Variants in SCOC observed in about 807,000 individuals in gnomAD.
SCOC encodes the protein short coiled-coil protein, also known as short coiled coil protein.
In SCOC, 7 loss-of-function variants were observed where a neutral mutation model predicts 9.9. The observed-to-expected ratio is 0.71, with a 90% CI of 0.40 to 1.33. The LOEUF is 1.33. Among genes scored for constraint, SCOC ranks in the 40% most tolerant of loss-of-function variants. SCOC has a pLI of 0.01. For missense variants in SCOC, 66 were observed against 89.7 expected, an observed-to-expected ratio of 0.74 and a Z score of 1.07; for synonymous variants, 19 against 28.2, an observed-to-expected ratio of 0.67 and a Z score of 1.03.
At chr4:140,336,165 C>T (rs1239057536) in intron 1 of SCOC, among the ~76,000 whole-genome samples, 1 of 152,096 alleles carries the variant, frequency 6.6e-6, no homozygotes, top group East Asian at 1.9e-4. Context: ...GAGACAGGGA[C>T]ACCATGGATA....
intron 2 of SCOC, among the ~76,000 whole-genome samples, chr4:140,348,980 A>G (rs1167697382): frequency 6.6e-6 from 1 of 152,184 alleles, no homozygotes; most frequent in Non-Finnish European, 1.5e-5. Context: ...GCTCATTTTC[A>G]TATACCCATT....
At chr4:140,343,841 A>G (rs969164574) in intron 2 of SCOC, 2 of 543,266 alleles carry the variant, frequency 3.7e-6, no homozygotes, top group African/African-American at 3.8e-5. Context: ...ATATAGTTAC[A>G]AAAACAGGTT....
chr4:140,373,398 T>C, upstream of SCOC: 1 of 1,472,864 alleles, frequency 6.8e-7, no homozygotes, highest in Non-Finnish European at 9.0e-7. Flanking sequence ...GCTTCGCTTC[T>C]TTACTGTCAT....
At chr4:140,258,819 T>A (rs1478942747) in intron 1 of SCOC, among the ~76,000 whole-genome samples, 1 of 152,262 alleles carries the variant, frequency 6.6e-6, no homozygotes, top group African/African-American at 2.4e-5. Flanking sequence ...GTATCATATG[T>A]GCTGACATTT....
chr4:140,381,084 A>C lies in SCOC; in HGVS notation c.229A>C (p.Thr77Pro). 6.3e-7 allele frequency: 1 copy of C among 1,598,350 alleles called. No individual in the cohort carries two copies. The highest frequency in any genetic ancestry group is 8.5e-7 in the Non-Finnish European group (1 of 1,176,304). The change falls in exon 4 of 4, where the codon ACA becomes CCA. Residue 77 changes from threonine (T) to proline (P), a missense_variant. By Grantham distance (38) the Thr-to-Pro change is conservative. Coordinates refer to ENST00000608372, the MANE Select transcript of SCOC (RefSeq NM_001153484.2). ...SASSVFQTTDTKSKRK is the reference protein window; with the variant it reads ...SASSVFQTTDPKSKRK The stretch of plus-strand genomic sequence containing the variant: ...TTCTAGTGTTTTTCAAACAACTGAC[A>C]CAAAAAGCAAAAGAAAGTAAGGGAT...
intron 1 of SCOC, among the ~76,000 whole-genome samples, chr4:140,300,501 C>T (rs997447116): frequency 2.6e-5 from 4 of 152,216 alleles, no homozygotes; most frequent in Non-Finnish European, 2.9e-5. Flanking sequence ...CTAAAGAATG[C>T]CAGCTTCATC....
intron 1 of SCOC, among the ~76,000 whole-genome samples, chr4:140,258,771 A>G (rs1448205228): frequency 6.6e-6 from 1 of 152,222 alleles, no homozygotes; most frequent in Non-Finnish European, 1.5e-5. Flanking sequence ...AACCAAATCC[A>G]GTGTAGAAAC....
intron 1 of SCOC, among the ~76,000 whole-genome samples, chr4:140,262,285 A>G (rs952026483): frequency 1.3e-5 from 2 of 152,208 alleles, no homozygotes; most frequent in Non-Finnish European, 2.9e-5. Context: ...GAGAAAGAGA[A>G]CAAGGTCTCT....
chr4:140,324,736 A>G (rs1199042057), intron 1 of SCOC, among the ~76,000 whole-genome samples: 1 of 152,136 alleles, frequency 6.6e-6, no homozygotes, highest in Non-Finnish European at 1.5e-5. Flanking sequence ...AAGCATTAAT[A>G]TTATTAAGAG....
intron 1 of SCOC, among the ~76,000 whole-genome samples, chr4:140,304,443 A>T (rs1169856447): frequency 1.3e-5 from 2 of 152,220 alleles, no homozygotes; most frequent in Non-Finnish European, 2.9e-5. Context: ...AACCACAAAA[A>T]TAAAAGACAG....
chr4:140,349,569 C>T lies in SCOC; in HGVS notation c.70+5861C>T, dbSNP rs1218615854. 2.0e-5 allele frequency among the ~76,000 whole-genome samples: 3 copies of T among 152,196 alleles called. 1 individual carries two copies. In the South Asian group the frequency reaches 6.2e-4, roughly 32 times the overall value. ...GGTGTCAAATAAACTTACCTTCTCC[C>T]CCCAATCTATTCCCACTCCTATATT... On this transcript the variant is annotated intron_variant, in intron 2 of 4. Coordinates refer to the SCOC transcript ENST00000338517.
At chr4:140,284,902 T>C (rs1731188481) in intron 1 of SCOC, 1 of 199,564 alleles carries the variant, frequency 5.0e-6, no homozygotes, top group South Asian at 9.5e-5. Flanking sequence ...CTATGTTCTT[T>C]GGGAGTAGAA....
At position 140,283,258 on chromosome 4, in the gene SCOC, C is replaced by G. The variant is rs1731139386; in HGVS notation, c.-19+25848C>G. Among the ~76,000 whole-genome samples the G allele has an allele frequency of 2.0e-5, 3 of 152,236 alleles. No homozygotes were observed. In the South Asian group the frequency reaches 6.2e-4, roughly 32 times the overall value. ...TACCTTATAAAAATTAGAGAGCAGACCAATAAACCCTAAAGCAAGAAGAGA... is the reference window on the plus strand; with the variant it reads ...TACCTTATAAAAATTAGAGAGCAGAGCAATAAACCCTAAAGCAAGAAGAGA... On this transcript the variant is annotated intron_variant, in intron 1 of 4. Coordinates refer to the SCOC transcript ENST00000394205.
chr4:140,385,401 A>T lies in SCOC; in HGVS notation c.*4297A>T, dbSNP rs530367304. The T allele has an allele frequency of 5.9e-5, 9 of 152,350 alleles. No homozygotes were observed. Among genetic ancestry groups the T allele is most frequent in the African/African-American group, 2.2e-4 (9 of 41,568 alleles). The allele number at this position is 152,350 out of a possible 1,614,324, so 9.4% of individuals were successfully genotyped here. The stretch of plus-strand genomic sequence containing the variant: ...TATGTACATAAAACCTTGCCGGGGA[A>T]GTCAGGCTCAGCTACCAGGTGAGTT... On this transcript the variant is annotated 3_prime_UTR_variant, in exon 4 of 4. Coordinates refer to ENST00000608372, the MANE Select transcript of SCOC (RefSeq NM_001153484.2).
chr4:140,373,184 T>C (rs1419304737), upstream of SCOC: 3 of 700,888 alleles, frequency 4.3e-6, no homozygotes, highest in Non-Finnish European at 5.6e-6. Context: ...GGAACGACGG[T>C]GTCGCGTTGA....
chr4:140,287,668 TCACA>T (rs1330584177), intron 1 of SCOC, among the ~76,000 whole-genome samples: 1 of 151,944 alleles, frequency 6.6e-6, no homozygotes, highest in Non-Finnish European at 1.5e-5. Context: ...ATACCACATG[TCACA>T]CATATGTACA....
intron 1 of SCOC, among the ~76,000 whole-genome samples, chr4:140,316,689 C>T (rs1732329535): frequency 6.6e-6 from 1 of 152,084 alleles, no homozygotes; most frequent in South Asian, 2.1e-4. Context: ...CACTGCACCC[C>T]AGAAGGAATC....
chr4:140,272,996 C>T (rs974138105), intron 1 of SCOC, among the ~76,000 whole-genome samples: 9 of 152,198 alleles, frequency 5.9e-5, no homozygotes, highest in Admixed American at 1.3e-4. Flanking sequence ...CCGCCATGTT[C>T]AGAGAAAACA....
intron 1 of SCOC, among the ~76,000 whole-genome samples, chr4:140,300,716 CT>C (rs1481662861): frequency 6.6e-6 from 1 of 152,224 alleles, no homozygotes; most frequent in African/African-American, 2.4e-5. Flanking sequence ...AAAGGGAATC[CT>C]TCTGAGACAG....
Sources: allele counts gnomAD v4.1 joint callset (sites outside exome capture counted in the v4.1 genomes callset), GRCh38; gene constraint gnomAD v4.1.1; transcripts MANE v1.5; gene names NCBI Gene and HGNC (gene_info 2026-07-23, HGNC 2026-07-21).